The following ENTREP2 variants were observed in gnomAD, a reference collection of about 807,000 sequenced individuals.
The protein encoded by ENTREP2 is endosomal transmembrane epsin interactor 2.
the ENTREP2 span, among the ~76,000 whole-genome samples, chr15:29,508,195 C>A: frequency 3.1e-3 from 478 of 152,194 alleles, 3 homozygotes; most frequent in African/African-American, 0.011. Context: ...CAAGACTAAA[C>A]CAGGAAGAAG....
At chr15:29,280,777 G>A in the ENTREP2 span, among the ~76,000 whole-genome samples, 3 of 152,250 alleles carry the variant, frequency 2.0e-5, no homozygotes, top group African/African-American at 4.8e-5. Flanking sequence ...CATGAAAGGC[G>A]GAGGAGCTTG....
the ENTREP2 span, chr15:29,266,490 C>A: frequency 6.6e-6 from 1 of 152,254 alleles, no homozygotes; most frequent in East Asian, 1.9e-4. Flanking sequence ...TCTCAAAGAA[C>A]TGGAAAGACC....
the ENTREP2 span, among the ~76,000 whole-genome samples, chr15:29,156,596 C>T: frequency 3.3e-5 from 5 of 152,210 alleles, no homozygotes; most frequent in South Asian, 2.1e-4. Flanking sequence ...GGACACAGGG[C>T]AGTGACCCGT....
the ENTREP2 span, among the ~76,000 whole-genome samples, chr15:29,451,498 G>T: frequency 2.0e-4 from 30 of 152,230 alleles, no homozygotes; most frequent in East Asian, 5.6e-3. Context: ...GGCTGAGAGG[G>T]GCCAGTCACA....
the ENTREP2 span, among the ~76,000 whole-genome samples, chr15:29,491,298 G>A: frequency 0.041 from 6,205 of 152,228 alleles, 403 homozygotes; most frequent in African/African-American, 0.14. Context: ...CTCCTGCCTC[G>A]GCCAGCCCAG....
the ENTREP2 span, among the ~76,000 whole-genome samples, chr15:29,342,512 A>G: frequency 1.3e-5 from 2 of 152,146 alleles, no homozygotes; most frequent in Non-Finnish European, 2.9e-5. Context: ...GGGATTCCTG[A>G]GTCAAAGCGT....
chr15:29,439,381 G>A, the ENTREP2 span, among the ~76,000 whole-genome samples: 1 of 150,726 alleles, frequency 6.6e-6, no homozygotes, highest in African/African-American at 2.5e-5. Context: ...ATGGCCAAAG[G>A]TCAAATAACT....
At chr15:29,662,871 C>T in the ENTREP2 span, among the ~76,000 whole-genome samples, 1 of 152,084 alleles carries the variant, frequency 6.6e-6, no homozygotes, top group Non-Finnish European at 1.5e-5. Flanking sequence ...CAGGCATGCA[C>T]CACCACGCCT....
the ENTREP2 span, among the ~76,000 whole-genome samples, chr15:29,596,264 C>T: frequency 6.6e-6 from 1 of 152,180 alleles, no homozygotes; most frequent in Non-Finnish European, 1.5e-5. Flanking sequence ...TAACCATCTG[C>T]ATCTATATTG....
chr15:29,340,903 CCA>C, the ENTREP2 span, among the ~76,000 whole-genome samples: 1 of 152,172 alleles, frequency 6.6e-6, no homozygotes, highest in Admixed American at 6.5e-5. Flanking sequence ...CCCCCCAACC[CCA>C]GTTTTAATTT....
At chr15:29,225,533 C>A in the ENTREP2 span, among the ~76,000 whole-genome samples, 2 of 152,152 alleles carry the variant, frequency 1.3e-5, no homozygotes. Context: ...ACAGGGATGA[C>A]AAAAGCATCC....
chr15:29,272,863 C>A, the ENTREP2 span, among the ~76,000 whole-genome samples: 1 of 151,968 alleles, frequency 6.6e-6, no homozygotes, highest in Non-Finnish European at 1.5e-5. Context: ...ACATGAAAAC[C>A]CTGACTGCAT....
chr15:29,146,453 C>T, the ENTREP2 span, among the ~76,000 whole-genome samples: 2 of 152,174 alleles, frequency 1.3e-5, no homozygotes, highest in South Asian at 2.1e-4. Context: ...TCAGGACAGA[C>T]ATAGGTCAAT....
the ENTREP2 span, among the ~76,000 whole-genome samples, chr15:29,139,013 G>GT: frequency 6.6e-6 from 1 of 152,100 alleles, no homozygotes. Context: ...GCCTGTAAGG[G>GT]TGTTGGAGCT....
the ENTREP2 span, among the ~76,000 whole-genome samples, chr15:29,404,471 G>T: frequency 6.6e-6 from 1 of 151,868 alleles, no homozygotes; most frequent in Non-Finnish European, 1.5e-5. Flanking sequence ...TGAGTCCCAG[G>T]AACCCCCTTC....
At chr15:29,136,217 C>T in the ENTREP2 span, 1 of 779,944 alleles carries the variant, frequency 1.3e-6, no homozygotes, top group Non-Finnish European at 1.9e-6. Context: ...ATGAATGCAT[C>T]CGGGGGCCTC....
At chr15:29,342,577 G>T in the ENTREP2 span, among the ~76,000 whole-genome samples, 1 of 152,192 alleles carries the variant, frequency 6.6e-6, no homozygotes, top group South Asian at 2.1e-4. Context: ...GGGCTGGTTG[G>T]GGGGGCATTT....
the ENTREP2 span, chr15:29,124,686 C>T: frequency 1.3e-6 from 2 of 1,550,492 alleles, no homozygotes. Flanking sequence ...AAGCGTCTCA[C>T]CGCTCCCAGG....
the ENTREP2 span, among the ~76,000 whole-genome samples, chr15:29,357,327 C>T: frequency 6.6e-6 from 1 of 151,740 alleles, no homozygotes; most frequent in Non-Finnish European, 1.5e-5. Flanking sequence ...AAAGTATCCC[C>T]AGTGAAGGAA....
Sources: gnomAD v4.1 joint callset for allele counts (sites outside exome capture counted in the v4.1 genomes callset) on GRCh38, gnomAD v4.1.1 for gene constraint, MANE v1.5 for transcripts, NCBI Gene and HGNC (gene_info 2026-07-23, HGNC 2026-07-21) for gene names.